The following FURIN variants were observed in gnomAD, a reference collection of about 807,000 sequenced individuals.
FURIN encodes the protein furin, paired basic amino acid cleaving enzyme.
In FURIN, 18 loss-of-function variants were observed where a neutral mutation model predicts 89.2. The observed-to-expected ratio is 0.20, with a 90% confidence interval of 0.14 to 0.30. The LOEUF is 0.30. Among genes scored for constraint, FURIN ranks in the 10% least tolerant of loss-of-function variants. FURIN has a pLI of 1.00. For synonymous variants in FURIN, 508 were observed against 466.4 expected, an observed-to-expected ratio of 1.09 and a Z score of -1.15; for missense variants, 879 against 1,100.5, an observed-to-expected ratio of 0.80 and a Z score of 2.85.
rs778202139 is a variant in FURIN, at chr15:90,875,931, C to T, written c.177+14C>T. Reference sequence around the variant, plus strand: ...AACCTGGGCCAGGTAGGTGTTCCCCCACAGGACACTGCCAGGGGGTGGGAC... The same window carrying T: ...AACCTGGGCCAGGTAGGTGTTCCCCTACAGGACACTGCCAGGGGGTGGGAC... On this transcript the variant is annotated intron_variant, in intron 2 of 15. Coordinates refer to ENST00000268171, the MANE Select transcript of FURIN (RefSeq NM_002569.4). 1 of 1,562,506 alleles carries T rather than the reference C, an allele frequency of 6.4e-7. No individual in the cohort carries two copies. Among genetic ancestry groups the T allele is most frequent in the Non-Finnish European group, 8.7e-7 (1 of 1,152,984 alleles).
chr15:90,872,166 C>G (rs1487935030), intron 1 of FURIN, among the ~76,000 whole-genome samples: 2 of 151,514 alleles, frequency 1.3e-5, no homozygotes, highest in Admixed American at 1.3e-4. Context: ...TCGCCCCCGC[C>G]CGCACACCTG....
rs1344880433 is a variant in FURIN, at chr15:90,879,920, G to T, written c.1312G>T (p.Ala438Ser). The T allele has an allele frequency of 2.5e-6, 4 of 1,613,426 alleles. No homozygotes were observed. Among genetic ancestry groups the T allele is most frequent in the Non-Finnish European group, 2.5e-6 (3 of 1,180,046 alleles). The change falls in exon 12 of 16, where the codon GCC (alanine) becomes TCC (serine). Residue 438 changes from alanine (A) to serine (S), a missense_variant. By Grantham distance (99) the Ala-to-Ser change is moderately conservative (BLOSUM62 1). Around this residue, in one of 5 missense-constraint regions of FURIN, gnomAD observed 156 missense variants for 243.7 expected, o/e 0.64. Coordinates refer to ENST00000268171, the MANE Select transcript of FURIN (RefSeq NM_002569.4). ...GGACGCAGGCGCCATGGTGGCCCTG[G>T]CCCAGAATTGGACCACAGTGGCCCC... ...LLDAGAMVALAQNWTTVAPQR... is the reference protein window; with the variant it reads ...LLDAGAMVALSQNWTTVAPQR...
At chr15:90,878,043 G>C (rs1202130255) in intron 7 of FURIN, 89 bp from the exon 8 acceptor site, 1 of 1,271,850 alleles carries the variant, frequency 7.9e-7, no homozygotes, top group Non-Finnish European at 1.1e-6. Flanking sequence ...CATCCCCTGG[G>C]GTGCAGGGCT....
rs1313650096 is a variant in FURIN at position 90,883,111 on chromosome 15, C to G, written c.*1233C>G. Reference sequence around the variant, plus strand: ...GCACTGAGCCCCCCCAACACTGTGCCCTGGTGGAGAAAGCACTGACCTGTC... The same window carrying G: ...GCACTGAGCCCCCCCAACACTGTGCGCTGGTGGAGAAAGCACTGACCTGTC... On this transcript the variant is annotated 3_prime_UTR_variant, in exon 16 of 16. Coordinates refer to ENST00000268171, the MANE Select transcript of FURIN (RefSeq NM_002569.4). 1 of 152,808 alleles carries G rather than the reference C, an allele frequency of 6.5e-6. No homozygotes were observed. Among genetic ancestry groups the G allele is most frequent in the South Asian group, 2.1e-4 (1 of 4,828 alleles). 9.5% of individuals were successfully genotyped at this position (152,808 alleles called of 1,614,324 possible). A position where few individuals can be genotyped will look rare whatever the true frequency, so the allele number is the denominator to read the frequency against.
Position 90,881,523 on chromosome 15 carries a change from G to A in FURIN, c.2030G>A (p.Arg677Gln), listed in dbSNP as rs1049334257. Reference protein sequence around the residue: ...SLDPVEQTCSRQSQSSRESPP... With the variant: ...SLDPVEQTCSQQSQSSRESPP... ...GACCCTGTGGAGCAGACTTGCTCCC[G>A]GCAAAGCCAGAGCAGCCGAGAGTCC... Residue 677 changes from arginine to glutamine, a missense_variant, in exon 16 of 16, where the codon CGG (arginine) becomes CAG (glutamine). Physicochemically the swap from Arg to Gln is conservative, Grantham distance 43. Transcript: ENST00000268171. The surrounding 1 kb of genome is among the most constrained non-coding windows in gnomAD (Gnocchi z 4.3). 6 of 1,611,384 alleles carry A rather than the reference G, an allele frequency of 3.7e-6. No homozygotes were observed. The highest frequency in any genetic ancestry group is 1.6e-4 in the Middle Eastern group (1 of 6,084).
At chr15:90,879,593 G>A (rs757829884) in intron 10 of FURIN, 49 bp downstream of exon 10, 1 of 1,563,766 alleles carries the variant, frequency 6.4e-7, no homozygotes, top group South Asian at 1.1e-5. Flanking sequence ...AGCACTCTCT[G>A]TAGGGCAGCC....
rs755624838 is a variant in FURIN, at chr15:90,881,544, A to T, written c.2051A>T (p.Glu684Val). ...TCSRQSQSSR[E>V]SPPQQQPPRL... is the part of the protein sequence containing the mutation. Reference sequence around the variant, plus strand: ...TCCCGGCAAAGCCAGAGCAGCCGAGAGTCCCCGCCACAGCAGCAGCCACCT... The same window carrying T: ...TCCCGGCAAAGCCAGAGCAGCCGAGTGTCCCCGCCACAGCAGCAGCCACCT... Residue 684 changes from glutamate (E) to valine (V), a missense_variant, in exon 16 of 16, where the codon GAG (glutamate) becomes GTG (valine). Physicochemically the swap from Glu to Val is moderately radical, Grantham distance 121. Around this residue, in one of 5 missense-constraint regions of FURIN, gnomAD observed 457 missense variants for 490.7 expected, o/e 0.93. Transcript: ENST00000268171. The surrounding 1 kb of genome is among the most constrained non-coding windows in gnomAD (Gnocchi z 4.3). 16 of 1,611,350 alleles carry T rather than the reference A, an allele frequency of 9.9e-6. No homozygotes were observed. The African/African-American group carries it at 1.7e-4, about 17-fold the overall frequency.
At chr15:90,875,475 A>C in intron 1 of FURIN, 107 bp from the exon 2 acceptor site, 1 of 380,554 alleles carries the variant, frequency 2.6e-6, no homozygotes, top group Non-Finnish European at 4.7e-6. Flanking sequence ...TCTCCCCCAG[A>C]TCTCATTTCA....
chr15:90,874,996 C>T lies in FURIN; in HGVS notation c.-159-586C>T, dbSNP rs112620747. Among the ~76,000 whole-genome samples, 733 of 145,752 alleles carry T rather than the reference C, an allele frequency of 5.0e-3. 7 individuals are homozygous for T. The highest frequency in any genetic ancestry group is 0.018 in the African/African-American group (705 of 39,512). On this transcript the variant is annotated intron_variant, in intron 1 of 15. Transcript: ENST00000268171. ...GTTTCTGATTTTGAGTGACTCAGGG[C>T]TTGATAGTCTTCATCCTGCTTCTTC...
In FURIN at chr15:90,877,561, G is replaced by T. The variant is rs1184951483; in HGVS notation, c.613G>T (p.Val205Leu). 1 of 1,579,874 alleles carries T rather than the reference G, an allele frequency of 6.3e-7. No individual in the cohort carries two copies. The change falls in exon 7 of 16, where the codon GTG (valine) becomes TTG (leucine). Residue 205 changes from valine to leucine, a missense_variant. Physicochemically the swap from Val to Leu is conservative, Grantham distance 32. Transcript: ENST00000268171. The part of the protein sequence containing the change: ...GTRCAGEVAA[V>L]ANNGVCGVGV... ...ACGGTGTGCGGGGGAAGTGGCTGCG[G>T]TGGCCAACAACGGTGTCTGTGGTGT...
intron 1 of FURIN, among the ~76,000 whole-genome samples, chr15:90,871,377 G>A (rs998878168): frequency 2.0e-5 from 3 of 151,390 alleles, no homozygotes; most frequent in African/African-American, 7.3e-5. Context: ...GGGCGGCCGC[G>A]AGGACTTTGG....
At chr15:90,873,672 G>A (rs1036650443) in intron 1 of FURIN, among the ~76,000 whole-genome samples, 6 of 152,106 alleles carry the variant, frequency 3.9e-5, no homozygotes, top group East Asian at 1.9e-4. Flanking sequence ...GGGCTGGGGC[G>A]CCTAGCTGCC....
chr15:90,880,173 C>G lies in FURIN; in HGVS notation c.1456C>G (p.His486Asp). 6.2e-7 allele frequency: 1 copy of G among 1,612,526 alleles called. No individual in the cohort carries two copies. The highest frequency in any genetic ancestry group is 8.5e-7 in the Non-Finnish European group (1 of 1,179,558). ...GCCCAACCACATCACTCGGCTGGAG[C>G]ACGCTCAGGCGCGGCTCACCCTGTC... ...GEPNHITRLEHAQARLTLSYN... is the reference protein window; with the variant it reads ...GEPNHITRLEDAQARLTLSYN... The change falls in exon 13 of 16, where the codon CAC becomes GAC. Residue 486 changes from histidine to aspartate, a missense_variant. By Grantham distance (81) the His-to-Asp change is moderately conservative (BLOSUM62 -1). Transcript: ENST00000268171.
chr15:90,877,784 C>T (rs2031719425), intron 7 of FURIN, among the ~76,000 whole-genome samples, 169 bp downstream of exon 7: 1 of 152,188 alleles, frequency 6.6e-6, no homozygotes. Flanking sequence ...GAGCTGGACC[C>T]CTGTGGAGTG....
Position 90,881,591 on chromosome 15 carries a change from G to C in FURIN, c.2098G>C (p.Ala700Pro). The C allele has an allele frequency of 6.2e-7, 1 of 1,608,144 alleles. No individual in the cohort carries two copies. Among genetic ancestry groups the C allele is most frequent in the African/African-American group, 1.3e-5 (1 of 74,926 alleles). Residue 700 changes from alanine to proline, a missense_variant, in exon 16 of 16, where the codon GCG becomes CCG. By Grantham distance (27) the Ala-to-Pro change is conservative. Coordinates refer to ENST00000268171, the MANE Select transcript of FURIN (RefSeq NM_002569.4). This position sits in a 1 kb window ranked among gnomAD's most constrained non-coding sequence, Gnocchi z 4.3. ...QPPRLPPEVE[A>P]GQRLRAGLLP... The stretch of plus-strand genomic sequence containing the variant: ...ACCTCGGCTGCCCCCGGAGGTGGAG[G>C]CGGGGCAACGGCTGCGGGCAGGGCT...
intron 7 of FURIN, 147 bp from the exon 8 acceptor site, chr15:90,877,985 G>T (rs933693763): frequency 2.9e-6 from 2 of 696,224 alleles, no homozygotes; most frequent in Non-Finnish European, 2.4e-6. Context: ...CAAACAGGTA[G>T]TTGGGGGTTC....
chr15:90,880,645 T>G, intron 13 of FURIN, 46 bp from the exon 14 acceptor site: 2 of 1,572,768 alleles, frequency 1.3e-6, no homozygotes, highest in Non-Finnish European at 1.7e-6. Flanking sequence ...GTCCCTGGCT[T>G]GGGGTCCCGC....
rs1004795359 is a variant in FURIN, at chr15:90,883,262, T to A, written c.*1384T>A. On this transcript the variant is annotated 3_prime_UTR_variant, in exon 16 of 16. Transcript: ENST00000268171. The stretch of plus-strand genomic sequence containing the variant: ...TAGCCATTCCTGGTACCCAGCCATC[T>A]GCCCAGGGGTGCCCCCTCCTCTCCC... 1 of 153,074 alleles carries A rather than the reference T, an allele frequency of 6.5e-6. No homozygotes were observed. Among genetic ancestry groups the A allele is most frequent in the African/African-American group, 2.4e-5 (1 of 41,476 alleles). The allele number at this position is 153,074 out of a possible 1,614,324, so 9.5% of individuals were successfully genotyped here.
intron 1 of FURIN, among the ~76,000 whole-genome samples, chr15:90,873,637 G>A (rs991720879): frequency 3.3e-5 from 5 of 152,004 alleles, no homozygotes; most frequent in Non-Finnish European, 5.9e-5. Flanking sequence ...ACTTGGGGTG[G>A]GGGGGGCGGT....
Sources: gnomAD v4.1 joint callset for allele counts (sites outside exome capture counted in the v4.1 genomes callset) on GRCh38, gnomAD v4.1.1 for gene constraint, gnomAD v4.1.1 regional missense constraint, Gnocchi (gnomAD v3.1) non-coding constraint, MANE v1.5 for transcripts, NCBI Gene and HGNC (gene_info 2026-07-23, HGNC 2026-07-21) for gene names.